HNRNPK: variants seen among roughly 807,000 people sequenced by gnomAD.
HNRNPK encodes the protein heterogeneous nuclear ribonucleoprotein K.
In HNRNPK, 7 loss-of-function variants were observed where a neutral mutation model predicts 67.0. The ratio of observed to expected loss-of-function variants is 0.10; its 90% CI spans 0.06 to 0.20. The LOEUF (loss-of-function observed/expected upper bound fraction) is 0.20, where lower values mean the gene tolerates loss of function less well. Ranked by LOEUF, HNRNPK falls within the 10% of genes least tolerant of loss-of-function variation. The probability of loss-of-function intolerance (pLI) is 1.00; values close to 1 mark genes in which losing one functional copy is unlikely to be tolerated. For synonymous variants in HNRNPK, 213 were observed against 193.7 expected (o/e 1.10, Z -0.83); for missense variants, 264 against 606.5 (o/e 0.44, Z 5.93).
intron 12 of HNRNPK, 39 bp from the exon 13 acceptor site, chr9:83,971,395 ATT>A: frequency 7.3e-7 from 1 of 1,377,340 alleles, no homozygotes; most frequent in Non-Finnish European, 1.0e-6. Context: ...CCCGCATTGT[ATT>A]TTGTTATAGA....
At chr9:83,971,388 G>A (rs750007591) in intron 12 of HNRNPK, 32 bp from the exon 13 acceptor site, 54 of 1,424,694 alleles carry the variant, frequency 3.8e-5, no homozygotes, top group Non-Finnish European at 4.8e-5. Flanking sequence ...ACATGAACCC[G>A]CATTGTATTT....
rs752634284 is a variant in HNRNPK at position 83,971,253 on chromosome 9, G to T, written c.1092+20C>A. On this transcript the variant is annotated intron_variant, in intron 13 of 16. Transcript: ENST00000376263. ...CTTAAATTATCACTGATATACACAC[G>T]AACAACTATGATACTCAACCTGTGG... The T allele has an allele frequency of 3.3e-6, 5 of 1,501,982 alleles. No individual in the cohort carries two copies. The highest frequency in any genetic ancestry group is 2.7e-5 in the African/African-American group (2 of 72,774). 93.0% of individuals were successfully genotyped at this position (1,501,982 alleles called of 1,614,324 possible). A position where few individuals can be genotyped will look rare whatever the true frequency, so the allele number is the denominator to read the frequency against.
chr9:83,979,480 G>A (rs902544153), intron 1 of HNRNPK, among the ~76,000 whole-genome samples: 2 of 152,244 alleles, frequency 1.3e-5, no homozygotes, highest in Admixed American at 6.5e-5. Flanking sequence ...AATCCGCTAA[G>A]TATGTGCTCC....
intron 13 of HNRNPK, 131 bp from the exon 14 acceptor site, chr9:83,971,043 G>C: frequency 1.1e-6 from 1 of 893,604 alleles, no homozygotes; most frequent in East Asian, 2.5e-5. Context: ...TCGGGCTCAA[G>C]TGATCCTCCT....
At position 83,975,466 on chromosome 9, in the gene HNRNPK, C is replaced by A; in HGVS notation, c.253G>T (p.Glu85Ter). 6.2e-7 allele frequency: 1 copy of A among 1,613,936 alleles called. No homozygotes were observed. The highest frequency in any genetic ancestry group is 1.3e-5 in the African/African-American group (1 of 75,018). ...SVSVPDSSGP[E>*]RILSISADIE... is the part of the protein sequence containing the mutation. Reference sequence around the variant, plus strand: ...GCATAAACTGTTGGGACATACCGCTCGGGGCCACTGCTGTCTGGGACTGAA... The same window carrying A: ...GCATAAACTGTTGGGACATACCGCTAGGGGCCACTGCTGTCTGGGACTGAA... Residue 85 changes from glutamate (E) to a stop codon, truncating the protein, a stop_gained, in exon 6 of 17, where the codon GAG becomes TAG. Transcript: ENST00000376263. LOFTEE classifies it high-confidence loss of function.
chr9:83,970,496 CACTT>C (rs902753877), intron 15 of HNRNPK, 165 bp from the exon 16 acceptor site: 5 of 659,548 alleles, frequency 7.6e-6, no homozygotes, highest in Admixed American at 3.0e-5. Context: ...ATTTATGTCA[CACTT>C]ACTAATGTTT....
chr9:83,970,749 A>T lies in HNRNPK; in HGVS notation c.1179T>A (p.Thr393=). ...LGGPIITTQV[T]IPKDLAGSII... is the part of the protein sequence containing the mutation. ...TAAAGATACTTACATCTTTGGGAAT[A>T]GTTACTTGTGTAGTAATAATAGGTC... The change falls in exon 15 of 17, where the codon ACT becomes ACA. Residue 393 remains threonine, a synonymous_variant. Transcript: ENST00000376263. The T allele has an allele frequency of 6.3e-7, 1 of 1,576,272 alleles. No homozygotes were observed. The highest frequency in any genetic ancestry group is 1.1e-5 in the South Asian group (1 of 90,010).
At chr9:83,980,397 T>G (rs981467339), upstream of HNRNPK, 1 of 152,654 alleles carries the variant, frequency 6.6e-6, no homozygotes, top group South Asian at 2.1e-4. Flanking sequence ...GGGAGGCCAC[T>G]AAGGGCTCGA....
chr9:83,969,188 C>T lies in HNRNPK; in HGVS notation c.*219G>A, dbSNP rs933936355. The T allele has an allele frequency of 1.6e-5, 9 of 566,466 alleles. No individual in the cohort carries two copies. Among genetic ancestry groups the T allele is most frequent in the Non-Finnish European group, 2.9e-5 (9 of 313,790 alleles). 35.1% of individuals were successfully genotyped at this position (566,466 alleles called of 1,614,324 possible). ...TAGTTTTTGCACGCCCTTCCCCCCC[C>T]CAACCCTGTTTGTAAGGAACTAAAA... is the stretch of plus-strand genomic sequence containing the variant. On this transcript the variant is annotated 3_prime_UTR_variant, in exon 17 of 17. Transcript: ENST00000376263.
chr9:83,969,236 A>C lies in HNRNPK; in HGVS notation c.*171T>G, dbSNP rs1956713028. 1 of 694,014 alleles carries C rather than the reference A, an allele frequency of 1.4e-6. No individual in the cohort carries two copies. Among genetic ancestry groups the C allele is most frequent in the African/African-American group, 1.8e-5 (1 of 55,740 alleles). 43.0% of individuals were successfully genotyped at this position (694,014 alleles called of 1,614,324 possible). The stretch of plus-strand genomic sequence containing the variant: ...AAACATTACATCTGGTGAACAGCAA[A>C]GATTTCACTACACCTCAAATGCAGA... On this transcript the variant is annotated 3_prime_UTR_variant, in exon 17 of 17. Transcript: ENST00000376263.
chr9:83,975,176 A>G (rs774347735), intron 6 of HNRNPK, among the ~76,000 whole-genome samples: 16 of 152,230 alleles, frequency 1.1e-4, no homozygotes, highest in Admixed American at 2.6e-4. Context: ...TGGGCCACAA[A>G]GACAGAGCGA....
Position 83,970,264 on chromosome 9 carries a change from G to A in HNRNPK, c.1259C>T (p.Ser420Leu), listed in dbSNP as rs1401018047. The change falls in exon 16 of 17, where the codon TCG (serine) becomes TTG (leucine). Residue 420 changes from serine (S) to leucine (L), a missense_variant. Physicochemically the swap from Ser to Leu is moderately radical, Grantham distance 145. Transcript: ENST00000376263. ...TTCTAAAGGCTCATCAATTTTGATC[G>A]AAGCTCCCGACTCATGACGGATTTG... is the stretch of plus-strand genomic sequence containing the variant. ...IKQIRHESGASIKIDEPLEGS... is the reference protein window; with the variant it reads ...IKQIRHESGALIKIDEPLEGS... 3.7e-6 allele frequency: 6 copies of A among 1,613,756 alleles called. No homozygotes were observed. Among genetic ancestry groups the A allele is most frequent in the Non-Finnish European group, 5.1e-6 (6 of 1,179,740 alleles).
chr9:83,976,959 G>A (rs1174338030), intron 5 of HNRNPK, 36 bp downstream of exon 5: 1 of 1,257,970 alleles, frequency 7.9e-7, no homozygotes, highest in South Asian at 1.3e-5. Context: ...ATAAACTGAA[G>A]CTGCTCGTGT....
intron 5 of HNRNPK, 140 bp from the exon 6 acceptor site, chr9:83,975,645 C>A: frequency 1.3e-6 from 1 of 750,746 alleles, no homozygotes; most frequent in Non-Finnish European, 2.5e-6. Flanking sequence ...CGTTCAGGGG[C>A]GGATGGGCCA....
At chr9:83,977,998 C>A (rs1056094638) in intron 3 of HNRNPK, among the ~76,000 whole-genome samples, 197 bp downstream of exon 3, 38 of 152,004 alleles carry the variant, frequency 2.5e-4, no homozygotes, top group African/African-American at 8.9e-4. Flanking sequence ...TCCCAAAATG[C>A]AAGAAAAATT....
chr9:83,971,708 G>A lies in HNRNPK; in HGVS notation c.972C>T (p.Asp324=). The change falls in exon 12 of 17, where the codon GAC becomes GAT. Residue 324 remains aspartate, a synonymous_variant. Coordinates refer to ENST00000376263, the MANE Select transcript of HNRNPK (RefSeq NM_031263.4). The stretch of plus-strand genomic sequence containing the variant: ...AACGGTCTCCAGGTCTCCCTCTTCT[G>A]TCATAGGCCATGAGGTCTCTGCAAG... ...PPRGGDLMAY[D]RRGRPGDRYD... is the part of the protein sequence containing the mutation. 5.0e-6 allele frequency: 8 copies of A among 1,613,858 alleles called. No homozygotes were observed. Among genetic ancestry groups the A allele is most frequent in the Non-Finnish European group, 6.8e-6 (8 of 1,179,732 alleles).
intron 16 of HNRNPK, 64 bp from the exon 17 acceptor site, chr9:83,969,504 C>G (rs1956724775): frequency 2.0e-6 from 2 of 977,784 alleles, no homozygotes; most frequent in African/African-American, 1.6e-5. Context: ...TAATCAACAT[C>G]AAGACAATTT....
At chr9:83,974,945 C>G (rs554700298) in intron 6 of HNRNPK, among the ~76,000 whole-genome samples, 5 of 152,304 alleles carry the variant, frequency 3.3e-5, no homozygotes, top group African/African-American at 1.2e-4. Flanking sequence ...ACTGGCACAC[C>G]TTCTCTTAGG....
chr9:83,976,109 G>A (rs1368533868), intron 5 of HNRNPK, among the ~76,000 whole-genome samples: 1 of 152,062 alleles, frequency 6.6e-6, no homozygotes. Context: ...AATAAGACTG[G>A]TTTGGTTTTC....
Sources: allele counts gnomAD v4.1 joint callset (sites outside exome capture counted in the v4.1 genomes callset), GRCh38; gene constraint gnomAD v4.1.1; transcripts MANE v1.5; gene names NCBI Gene and HGNC (gene_info 2026-07-23, HGNC 2026-07-21).